The following BSN variants were observed in gnomAD, a reference collection of about 807,000 sequenced individuals.
BSN encodes protein bassoon.
In BSN, 57 loss-of-function variants were observed where a neutral mutation model predicts 264.8. The observed-to-expected ratio is 0.22, with a 90% CI of 0.17 to 0.27. BSN has a LOEUF of 0.27. Ranked by LOEUF, BSN falls within the 10% of genes least tolerant of loss-of-function variation. The probability of loss-of-function intolerance (pLI) is 1.00; values close to 1 mark genes in which losing one functional copy is unlikely to be tolerated. For synonymous variants in BSN, 2,059 were observed against 2,137.3 expected (o/e 0.96, Z 1.01); for missense variants, 4,615 against 5,232.5 (o/e 0.88, Z 3.64).
intron 1 of BSN, among the ~76,000 whole-genome samples, chr3:49,594,451 T>C (rs928299484): frequency 2.6e-5 from 4 of 152,206 alleles, no homozygotes; most frequent in African/African-American, 9.6e-5. Flanking sequence ...TTTGAGTTGG[T>C]TTTGCAGCTT....
rs1446242587 is a variant in BSN at position 49,664,912 on chromosome 3, G to T, written c.*14+59G>T. 1.8e-5 allele frequency: 24 copies of T among 1,350,926 alleles called. 1 individual carries two copies. The highest frequency in any genetic ancestry group is 5.8e-5 in the African/African-American group (4 of 69,360). The allele number at this position is 1,350,926 out of a possible 1,614,324, so 83.7% of individuals were successfully genotyped here. Reference sequence around the variant, plus strand: ...GGGAAAGGCCCGAGGCACTGGGGGTGGGGGTGGGGCTCTAAGTCCGAAGGG... The same window carrying T: ...GGGAAAGGCCCGAGGCACTGGGGGTTGGGGTGGGGCTCTAAGTCCGAAGGG... On this transcript the variant is annotated intron_variant, in intron 10 of 11. Transcript: ENST00000296452.
At chr3:49,615,167 G>A (rs936917857) in intron 1 of BSN, among the ~76,000 whole-genome samples, 1 of 152,154 alleles carries the variant, frequency 6.6e-6, no homozygotes, top group African/African-American at 2.4e-5. Flanking sequence ...AGGCTGGCCT[G>A]GAACAAATTG....
intron 1 of BSN, among the ~76,000 whole-genome samples, chr3:49,576,036 G>A (rs2051843069): frequency 6.6e-6 from 1 of 152,100 alleles, no homozygotes; most frequent in Non-Finnish European, 1.5e-5. Flanking sequence ...CCACTTTTCA[G>A]AGAATTAGCT....
intron 1 of BSN, among the ~76,000 whole-genome samples, chr3:49,615,523 C>T (rs1357891108): frequency 6.6e-6 from 1 of 152,174 alleles, no homozygotes; most frequent in Admixed American, 6.5e-5. Context: ...CTCAAGGGAG[C>T]TCTGCCTATG....
At chr3:49,646,216 C>T (rs1274406408) in intron 3 of BSN, among the ~76,000 whole-genome samples, 8 of 152,142 alleles carry the variant, frequency 5.3e-5, no homozygotes, top group African/African-American at 1.9e-4. Flanking sequence ...TTTAGTGAGT[C>T]ATTTCATAAT....
chr3:49,655,397 T>A lies in BSN; in HGVS notation c.5841T>A (p.Pro1947=). The A allele has an allele frequency of 6.4e-7, 1 of 1,571,894 alleles. No homozygotes were observed. The highest frequency in any genetic ancestry group is 8.6e-7 in the Non-Finnish European group (1 of 1,158,630). The change falls in exon 5 of 12, where the codon CCT becomes CCA. Residue 1947 remains proline, a synonymous_variant. Transcript: ENST00000296452. ...SSSPFYGPRD[P]EPPEPPTYRA... The stretch of plus-strand genomic sequence containing the variant: ...GCCCCTTCTATGGTCCCCGGGACCC[T>A]GAGCCTCCTGAGCCCCCAACCTACC...
intron 1 of BSN, among the ~76,000 whole-genome samples, chr3:49,619,447 T>C (rs976014393): frequency 2.6e-5 from 4 of 152,202 alleles, no homozygotes; most frequent in Non-Finnish European, 5.9e-5. Context: ...CAGTGTGGGA[T>C]GTGGTTAAGG....
At chr3:49,635,263 G>T (rs1423625740) in intron 2 of BSN, among the ~76,000 whole-genome samples, 1 of 152,194 alleles carries the variant, frequency 6.6e-6, no homozygotes, top group Non-Finnish European at 1.5e-5. Flanking sequence ...GAGAAGAGGT[G>T]TCAGGATCTG....
chr3:49,663,030 T>C lies in BSN; in HGVS notation c.10872T>C (p.Pro3624=). The C allele has an allele frequency of 6.2e-7, 1 of 1,613,810 alleles. No homozygotes were observed. ...GCTACCATGACTACGATGAACCCCC[T>C]GAGGAGGGCCTGTGGCCTCATGATG... is the stretch of plus-strand genomic sequence containing the variant. ...RHSYHDYDEP[P]EEGLWPHDEG... The change falls in exon 7 of 12, where the codon CCT becomes CCC. Residue 3624 remains proline (P), a synonymous_variant. Coordinates refer to ENST00000296452, the MANE Select transcript of BSN (RefSeq NM_003458.4).
intron 1 of BSN, among the ~76,000 whole-genome samples, chr3:49,570,969 G>A (rs1386995410): frequency 6.6e-6 from 1 of 152,222 alleles, no homozygotes. Flanking sequence ...GACCCCAGGA[G>A]TACCAGAGCT....
chr3:49,597,598 TGA>T (rs1403306890), intron 1 of BSN, among the ~76,000 whole-genome samples: 8 of 152,208 alleles, frequency 5.3e-5, no homozygotes, highest in African/African-American at 1.7e-4. Context: ...CTCAAAGTGC[TGA>T]GATTACAGAC....
At chr3:49,608,218 CCTT>C (rs912619298) in intron 1 of BSN, among the ~76,000 whole-genome samples, 27 of 152,292 alleles carry the variant, frequency 1.8e-4, no homozygotes, top group African/African-American at 6.3e-4. Flanking sequence ...TTAGATTTCT[CCTT>C]CTGAGTTAGA....
intron 1 of BSN, among the ~76,000 whole-genome samples, chr3:49,592,982 A>G (rs1485164629): frequency 6.6e-6 from 1 of 152,200 alleles, no homozygotes. Flanking sequence ...CAGTCAAGAT[A>G]CTGAGCAGTT....
chr3:49,605,446 ATTATAT>A (rs2052109701), intron 1 of BSN, among the ~76,000 whole-genome samples: 1 of 27,126 alleles, frequency 3.7e-5, no homozygotes, highest in Non-Finnish European at 5.8e-5. Flanking sequence ...TATTATATAT[ATTATAT>A]AATATATATT....
At chr3:49,592,265 A>G (rs986878231) in intron 1 of BSN, among the ~76,000 whole-genome samples, 1 of 151,234 alleles carries the variant, frequency 6.6e-6, no homozygotes, top group Non-Finnish European at 1.5e-5. Flanking sequence ...ACGCACCACC[A>G]TGCTTGGCTG....
At chr3:49,629,681 C>T (rs2052370377) in intron 2 of BSN, among the ~76,000 whole-genome samples, 1 of 152,230 alleles carries the variant, frequency 6.6e-6, no homozygotes, top group African/African-American at 2.4e-5. Context: ...GTCTGATCAG[C>T]TGAATCCTCC....
At chr3:49,560,631 T>C (rs9862534) in intron 1 of BSN, among the ~76,000 whole-genome samples, 111,840 of 152,118 alleles carry the variant, frequency 0.74, 41,632 homozygotes, top group East Asian at 0.99. Flanking sequence ...CTCAGTCCTT[T>C]CATTTGGTGC....
chr3:49,663,626 C>T lies in BSN; in HGVS notation c.11468C>T (p.Pro3823Leu). The T allele has an allele frequency of 1.2e-6, 2 of 1,608,986 alleles. No individual in the cohort carries two copies. The highest frequency in any genetic ancestry group is 1.7e-6 in the Non-Finnish European group (2 of 1,177,464). ...AASQPAGKPQ[P>L]GPSTATGPQP... ...AGCCAGCCTGCAGGGAAGCCTCAGC[C>T]AGGCCCCAGCACAGCCACAGGTCCT... is the stretch of plus-strand genomic sequence containing the variant. The change falls in exon 7 of 12, where the codon CCA (proline) becomes CTA (leucine). Residue 3823 changes from proline to leucine, a missense_variant. Pro to Leu is a moderately conservative substitution (Grantham distance 98). Transcript: ENST00000296452.
chr3:49,593,790 T>G (rs1310546595), intron 1 of BSN, among the ~76,000 whole-genome samples: 4 of 149,870 alleles, frequency 2.7e-5, no homozygotes, highest in Non-Finnish European at 4.4e-5. Context: ...TTTTTTTTGT[T>G]TTGTTTTGTT....
Sources: gnomAD v4.1 joint callset for allele counts (sites outside exome capture counted in the v4.1 genomes callset) on GRCh38, gnomAD v4.1.1 for gene constraint, MANE v1.5 for transcripts, NCBI Gene and HGNC (gene_info 2026-07-23, HGNC 2026-07-21) for gene names.